The following FAM161A variants were observed in gnomAD, a reference collection of about 807,000 sequenced individuals.
FAM161A encodes the protein protein FAM161A.
In FAM161A, 57 loss-of-function variants were observed where a neutral mutation model predicts 70.9. The observed-to-expected ratio is 0.80, with a 90% CI of 0.65 to 1.00. The LOEUF (loss-of-function observed/expected upper bound fraction) is 1.00. Ranked by LOEUF, FAM161A falls within the 50% of genes least tolerant of loss-of-function variation. FAM161A has a pLI of 0.00. For synonymous variants in FAM161A, 299 were observed against 295.7 expected, an observed-to-expected ratio of 1.01 and a Z score of -0.12; for missense variants, 880 against 836.0, an observed-to-expected ratio of 1.05 and a Z score of -0.65.
chr2:61,853,984 T>C lies in FAM161A; in HGVS notation c.58A>G (p.Asn20Asp), dbSNP rs757086767. 1.4e-5 allele frequency: 22 copies of C among 1,613,622 alleles called. No homozygotes were observed. The Middle Eastern group carries it at 4.9e-4, about 36-fold the overall frequency. Residue 20 changes from asparagine to aspartate, a missense_variant, in exon 1 of 7, where the codon AAT (asparagine) becomes GAT (aspartate). By Grantham distance (23) the Asn-to-Asp change is conservative. Coordinates refer to ENST00000404929, the MANE Select transcript of FAM161A (RefSeq NM_001201543.2). ...LVASSLQTPVNPITGARVAQY... is the reference protein window; with the variant it reads ...LVASSLQTPVDPITGARVAQY... ...GCGACCCGCGCTCCAGTGATGGGATTTACCGGGGTCTGGAGACTGGAGGCC... is the reference window on the plus strand; with the variant it reads ...GCGACCCGCGCTCCAGTGATGGGATCTACCGGGGTCTGGAGACTGGAGGCC...
the FAM161A span, among the ~76,000 whole-genome samples, chr2:61,817,761 G>C: frequency 6.6e-6 from 1 of 152,142 alleles, no homozygotes; most frequent in Admixed American, 6.5e-5. Context: ...GAGTTCAGGA[G>C]ACCAAGACCA....
chr2:61,810,536 G>T, the FAM161A span, among the ~76,000 whole-genome samples: 16,873 of 141,934 alleles, frequency 0.12, 1,139 homozygotes, highest in Middle Eastern at 0.25. Flanking sequence ...TCAGCTCACA[G>T]CAACCTCTGC....
chr2:61,823,292 C>G (rs9750645), downstream of FAM161A, among the ~76,000 whole-genome samples: 27,762 of 142,882 alleles, frequency 0.19, 2,922 homozygotes, highest in Non-Finnish European at 0.22. Flanking sequence ...AAGATCGCAC[C>G]ACTGCACTCC....
the FAM161A span, among the ~76,000 whole-genome samples, chr2:61,811,307 C>T: frequency 6.6e-6 from 1 of 152,202 alleles, no homozygotes; most frequent in Non-Finnish European, 1.5e-5. Context: ...AAGCAATCCT[C>T]CCACCTCAGC....
chr2:61,844,291 C>T (rs1005849323), intron 1 of FAM161A, among the ~76,000 whole-genome samples: 1 of 152,174 alleles, frequency 6.6e-6, no homozygotes. Context: ...TGCTTCTCAC[C>T]ATAAACTTCT....
chr2:61,804,436 G>A, the FAM161A span, among the ~76,000 whole-genome samples: 1 of 152,026 alleles, frequency 6.6e-6, no homozygotes, highest in African/African-American at 2.4e-5. Context: ...TCTGACACCA[G>A]CATGTTGGGA....
At chr2:61,843,462 A>G (rs1673094179) in intron 1 of FAM161A, among the ~76,000 whole-genome samples, 1 of 152,222 alleles carries the variant, frequency 6.6e-6, no homozygotes, top group South Asian at 2.1e-4. Context: ...CTAAAGAGAT[A>G]AAACCCCATT....
At position 61,842,136 on chromosome 2, in the gene FAM161A, A is replaced by G. The variant is rs1572883868; in HGVS notation, c.408T>C (p.Leu136=). The part of the protein sequence containing the change: ...VQPVVIREDS[L]SDSSRSVSEK... Reference sequence around the variant, plus strand: ...TACAAGCTTACCTGGAAGAGTCACTAAGAGAGTCTTCTCTGATGACCACTG... The same window carrying G: ...TACAAGCTTACCTGGAAGAGTCACTGAGAGAGTCTTCTCTGATGACCACTG... Residue 136 remains leucine (L), a synonymous_variant, in exon 2 of 7, where the codon CTT becomes CTC. Transcript: ENST00000404929. 6.3e-7 allele frequency: 1 copy of G among 1,585,030 alleles called. No individual in the cohort carries two copies. Among genetic ancestry groups the G allele is most frequent in the South Asian group, 1.1e-5 (1 of 90,544 alleles).
At chr2:61,807,772 C>T in the FAM161A span, among the ~76,000 whole-genome samples, 1 of 151,726 alleles carries the variant, frequency 6.6e-6, no homozygotes. Flanking sequence ...TCCTGAGTAG[C>T]TGGGACTACA....
chr2:61,848,164 G>C (rs1340637543), intron 1 of FAM161A, among the ~76,000 whole-genome samples: 2 of 152,124 alleles, frequency 1.3e-5, no homozygotes, highest in African/African-American at 4.8e-5. Context: ...TACACAAGAA[G>C]GATCAAATTT....
the FAM161A span, among the ~76,000 whole-genome samples, chr2:61,814,705 A>G: frequency 6.6e-6 from 1 of 152,188 alleles, no homozygotes; most frequent in Non-Finnish European, 1.5e-5. Flanking sequence ...GCAGGGCAAG[A>G]CAGGAAGAAA....
the FAM161A span, among the ~76,000 whole-genome samples, chr2:61,813,983 A>T: frequency 6.6e-6 from 1 of 152,122 alleles, no homozygotes; most frequent in African/African-American, 2.4e-5. Flanking sequence ...AGCAGTGTGT[A>T]TGAGGTGCCA....
downstream of FAM161A, chr2:61,820,451 A>C: frequency 1.3e-5 from 10 of 756,228 alleles, no homozygotes; most frequent in South Asian, 1.3e-4. Flanking sequence ...AGAGCTGTGG[A>C]ACCAAAGAGG....
chr2:61,836,697 G>T, intron 4 of FAM161A: 1 of 154,742 alleles, frequency 6.5e-6, no homozygotes. Context: ...TCAGCTTCCC[G>T]AATAGCTGAG....
intron 6 of FAM161A, among the ~76,000 whole-genome samples, chr2:61,826,829 A>G (rs1292374983): frequency 6.6e-6 from 1 of 152,216 alleles, no homozygotes; most frequent in Non-Finnish European, 1.5e-5. Context: ...TGTTTCTTTA[A>G]ACTTCATTTG....
chr2:61,815,606 A>G, the FAM161A span, among the ~76,000 whole-genome samples: 21 of 122,394 alleles, frequency 1.7e-4, no homozygotes, highest in African/African-American at 5.7e-4. Context: ...GCTGGAGTGC[A>G]GTGGCGCGGT....
the FAM161A span, among the ~76,000 whole-genome samples, chr2:61,815,321 T>C: frequency 6.6e-6 from 1 of 152,150 alleles, no homozygotes; most frequent in Non-Finnish European, 1.5e-5. Flanking sequence ...CCAAATGCCA[T>C]GCCAGTATGC....
chr2:61,806,721 C>A, the FAM161A span, among the ~76,000 whole-genome samples: 2 of 88,976 alleles, frequency 2.2e-5, no homozygotes, highest in African/African-American at 9.1e-5. Flanking sequence ...GAGACAGAGT[C>A]TGGCTCTGTC....
intron 5 of FAM161A, among the ~76,000 whole-genome samples, chr2:61,828,890 G>A (rs1672473192): frequency 1.3e-5 from 2 of 152,154 alleles, no homozygotes; most frequent in Admixed American, 1.3e-4. Flanking sequence ...TAGTGACTGG[G>A]TTCACACTAG....
Sources: gnomAD v4.1 joint callset for allele counts (sites outside exome capture counted in the v4.1 genomes callset) on GRCh38, gnomAD v4.1.1 for gene constraint, MANE v1.5 for transcripts, NCBI Gene and HGNC (gene_info 2026-07-23, HGNC 2026-07-21) for gene names.